Variants in ATP23 observed in about 807,000 individuals in gnomAD.
ATP23 encodes the protein mitochondrial inner membrane protease ATP23 homolog.
Under a neutral mutation model 28.5 loss-of-function variants are expected in ATP23, and 24 were observed. The observed-to-expected ratio is 0.84, with a 90% CI of 0.61 to 1.18. The LOEUF is 1.18. ATP23 is among the 50% of genes most tolerant of loss of function. The pLI is 0.00. For missense variants in ATP23, 274 were observed against 306.4 expected, an observed-to-expected ratio of 0.89 and a Z score of 0.79; for synonymous variants, 99 against 108.6, an observed-to-expected ratio of 0.91 and a Z score of 0.55.
chr12:57,948,878 A>G (rs1019144393), intron 3 of ATP23, among the ~76,000 whole-genome samples: 1 of 152,204 alleles, frequency 6.6e-6, no homozygotes, highest in Non-Finnish European at 1.5e-5. Context: ...TGAGCTTTAT[A>G]CATGTTATAC....
rs1029453006 is a variant in ATP23, at chr12:57,941,632, A to C, written c.-70A>C. The C allele has an allele frequency of 5.2e-6, 8 of 1,536,306 alleles. No individual in the cohort carries two copies. The highest frequency in any genetic ancestry group is 7.0e-6 in the Non-Finnish European group (8 of 1,145,002). The stretch of plus-strand genomic sequence containing the variant: ...CTGGGCGGTCGCGTTGGCGGGAGGG[A>C]GGTTACCTTTCCCAGTCTCGCTCTG... On this transcript the variant is annotated 5_prime_UTR_variant, in exon 1 of 6. Transcript: ENST00000300145.
At chr12:57,953,726 G>T in intron 5 of ATP23, 37 bp downstream of exon 5, 3 of 1,516,802 alleles carry the variant, frequency 2.0e-6, no homozygotes, top group Non-Finnish European at 1.8e-6. Flanking sequence ...CCTCCAGAGT[G>T]TTACGAGTGG....
At chr12:57,952,050 C>T (rs1454919936) in intron 4 of ATP23, among the ~76,000 whole-genome samples, 155 bp downstream of exon 4, 1 of 152,126 alleles carries the variant, frequency 6.6e-6, no homozygotes, top group Non-Finnish European at 1.5e-5. Flanking sequence ...TTTTGATATA[C>T]AGTTAGAGAA....
At chr12:57,955,218 C>T (rs1247714183) in intron 5 of ATP23, among the ~76,000 whole-genome samples, 1 of 147,860 alleles carries the variant, frequency 6.8e-6, no homozygotes, top group African/African-American at 2.5e-5. Context: ...GAAAAATATG[C>T]TAATTTTATA....
At chr12:57,952,297 G>A (rs1956823411) in intron 4 of ATP23, among the ~76,000 whole-genome samples, 1 of 152,148 alleles carries the variant, frequency 6.6e-6, no homozygotes, top group African/African-American at 2.4e-5. Flanking sequence ...ATAACCTACT[G>A]AGATAGATAT....
chr12:57,941,834 T>A lies in ATP23; in HGVS notation c.133T>A (p.Phe45Ile). 2 of 1,612,974 alleles carry A rather than the reference T, an allele frequency of 1.2e-6. No individual in the cohort carries two copies. Among genetic ancestry groups the A allele is most frequent in the Non-Finnish European group, 1.7e-6 (2 of 1,179,584 alleles). The change falls in exon 1 of 6, where the codon TTC becomes ATC. Residue 45 changes from phenylalanine (F) to isoleucine (I), a missense_variant. Phe to Ile is a conservative substitution (Grantham distance 21). Transcript: ENST00000300145. ...TCCCCAGCAAGGGTTCTTCTCCAGCTTCTTCACCAGCAACCAGAAGTGCCA... is the reference window on the plus strand; with the variant it reads ...TCCCCAGCAAGGGTTCTTCTCCAGCATCTTCACCAGCAACCAGAAGTGCCA... ...GNPQQGFFSS[F>I]FTSNQKCQLR...
At chr12:57,948,648 A>G (rs2140532592) in intron 3 of ATP23, among the ~76,000 whole-genome samples, 1 of 152,320 alleles carries the variant, frequency 6.6e-6, no homozygotes, top group Middle Eastern at 3.4e-3. Context: ...AAACATCTAT[A>G]TGTACACTTT....
intron 3 of ATP23, among the ~76,000 whole-genome samples, chr12:57,948,130 A>G (rs553229524): frequency 6.6e-6 from 1 of 152,110 alleles, no homozygotes; most frequent in Non-Finnish European, 1.5e-5. Flanking sequence ...GGTAATCACA[A>G]TACCTATAGC....
chr12:57,950,028 T>C (rs1437405641), intron 3 of ATP23, among the ~76,000 whole-genome samples: 1 of 152,214 alleles, frequency 6.6e-6, no homozygotes, highest in Non-Finnish European at 1.5e-5. Context: ...CCTAAATAAC[T>C]CTTTTGGCTT....
chr12:57,949,372 G>A (rs1379639388), intron 3 of ATP23, among the ~76,000 whole-genome samples: 1 of 151,972 alleles, frequency 6.6e-6, no homozygotes, highest in Non-Finnish European at 1.5e-5. Context: ...CTGCCAAGGA[G>A]GTCTCATCAA....
At chr12:57,950,235 T>C (rs1218480516) in intron 3 of ATP23, among the ~76,000 whole-genome samples, 2 of 152,174 alleles carry the variant, frequency 1.3e-5, no homozygotes, top group African/African-American at 4.8e-5. Flanking sequence ...GCTCTTAGGG[T>C]AAAGACAAGG....
rs1956705139 is a variant in ATP23, at chr12:57,941,766, A to G, written c.65A>G (p.His22Arg). The change falls in exon 1 of 6, where the codon CAC becomes CGC. Residue 22 changes from histidine to arginine, a missense_variant. Transcript: ENST00000300145. Reference protein sequence around the residue: ...PAAGEQLQQQHVSCQVFPERL... With the variant: ...PAAGEQLQQQRVSCQVFPERL... ...GCAGGGGAGCAGCTGCAGCAGCAAC[A>G]CGTCTCTTGCCAGGTCTTCCCCGAG... The G allele has an allele frequency of 3.7e-6, 6 of 1,601,262 alleles. No homozygotes were observed. Among genetic ancestry groups the G allele is most frequent in the Non-Finnish European group, 5.1e-6 (6 of 1,174,482 alleles).
intron 2 of ATP23, among the ~76,000 whole-genome samples, chr12:57,946,708 G>A (rs1592274799): frequency 1.3e-5 from 2 of 151,878 alleles, no homozygotes; most frequent in African/African-American, 2.4e-5. Flanking sequence ...CACCTGCCTC[G>A]GCCTCCCAAA....
Position 57,956,824 on chromosome 12 carries a change from C to G in ATP23, c.675C>G (p.Asn225Lys), listed in dbSNP as rs1293738305. 1 of 1,613,826 alleles carries G rather than the reference C, an allele frequency of 6.2e-7. No homozygotes were observed. The change falls in exon 6 of 6, where the codon AAC (asparagine) becomes AAG (lysine). Residue 225 changes from asparagine to lysine, a missense_variant. By Grantham distance (94) the Asn-to-Lys change is moderately conservative (BLOSUM62 0). Coordinates refer to ENST00000300145, the MANE Select transcript of ATP23 (RefSeq NM_033276.4). ...AACCTTTTGGAAGGATCCCACATAA[C>G]AAGACTTATGCAAGATATGCTCACA... ...DHEPFGRIPH[N>K]KTYARYAHRD... is the part of the protein sequence containing the mutation.
intron 5 of ATP23, among the ~76,000 whole-genome samples, chr12:57,954,964 T>C (rs537645261): frequency 9.9e-5 from 15 of 151,928 alleles, no homozygotes; most frequent in Non-Finnish European, 1.9e-4. Context: ...AGCTTAGTGA[T>C]ATGCCAGTGA....
chr12:57,944,890 C>T (rs545185346), intron 1 of ATP23, among the ~76,000 whole-genome samples: 6 of 152,176 alleles, frequency 3.9e-5, no homozygotes, highest in Non-Finnish European at 8.8e-5. Context: ...GCTTCAGTGG[C>T]AGGTCCAATT....
In ATP23 at chr12:57,951,837, A is replaced by G; in HGVS notation, c.395A>G (p.Asp132Gly). ...ACACACGAGCTTATTCATGCATTTG[A>G]TCATTGTCGTGCCCATGTCGACTGG... is the stretch of plus-strand genomic sequence containing the variant. ...VVTHELIHAF[D>G]HCRAHVDWFT... is the part of the protein sequence containing the mutation. The change falls in exon 4 of 6, where the codon GAT becomes GGT. Residue 132 changes from aspartate to glycine, a missense_variant. Coordinates refer to ENST00000300145, the MANE Select transcript of ATP23 (RefSeq NM_033276.4). 1 of 1,614,120 alleles carries G rather than the reference A, an allele frequency of 6.2e-7. No individual in the cohort carries two copies. The highest frequency in any genetic ancestry group is 1.1e-5 in the South Asian group (1 of 91,086).
chr12:57,942,250 CTGTAAAAA>C (rs950690875), intron 1 of ATP23, among the ~76,000 whole-genome samples: 3 of 152,222 alleles, frequency 2.0e-5, no homozygotes, highest in African/African-American at 4.8e-5. Context: ...CACACAAAGG[CTGTAAAAA>C]TGTAAAAATG....
intron 4 of ATP23, 79 bp downstream of exon 4, chr12:57,951,974 C>A: frequency 6.5e-7 from 1 of 1,546,166 alleles, no homozygotes; most frequent in Non-Finnish European, 8.9e-7. Context: ...AAATGTATTC[C>A]TTTTCTTACT....
Sources: gnomAD v4.1 joint callset for allele counts (sites outside exome capture counted in the v4.1 genomes callset) on GRCh38, gnomAD v4.1.1 for gene constraint, MANE v1.5 for transcripts, NCBI Gene and HGNC (gene_info 2026-07-23, HGNC 2026-07-21) for gene names.